OTOG: variants seen among roughly 807,000 people sequenced by gnomAD.
OTOG encodes otogelin.
A neutral mutation model predicts 313.8 loss-of-function variants in OTOG; 296 were observed. The ratio of observed to expected loss-of-function variants is 0.94; its 90% confidence interval spans 0.86 to 1.04. OTOG has a LOEUF of 1.04. OTOG is among the 50% of genes least tolerant of loss of function. The probability of loss-of-function intolerance (pLI) is 0.00; values close to 1 mark genes in which losing one functional copy is unlikely to be tolerated. For missense variants in OTOG, 3,948 were observed against 3,840.1 expected (o/e 1.03, Z -0.74); for synonymous variants, 1,533 against 1,554.9 (o/e 0.99, Z 0.33).
At chr11:17,562,564 A>G (rs1852213978) in intron 15 of OTOG, among the ~76,000 whole-genome samples, 1 of 149,150 alleles carries the variant, frequency 6.7e-6, no homozygotes, top group Non-Finnish European at 1.5e-5. Flanking sequence ...AATTACACCC[A>G]TTTTACAAAA....
chr11:17,608,263 G>T (rs983160968), intron 33 of OTOG, 33 bp from the exon 34 acceptor site: 28 of 1,430,948 alleles, frequency 2.0e-5, no homozygotes, highest in Non-Finnish European at 2.5e-5. Flanking sequence ...GTCTTCACCT[G>T]ACCCAGAGTT....
In OTOG at chr11:17,553,007, G is replaced by C. The variant is rs891543009; in HGVS notation, c.293-112G>C. 5.1e-5 allele frequency: 47 copies of C among 920,848 alleles called. No individual in the cohort carries two copies. The East Asian group carries it at 1.1e-3, about 22-fold the overall frequency. The allele number at this position is 920,848 out of a possible 1,614,324, so 57.0% of individuals were successfully genotyped here. A position where few individuals can be genotyped will look rare whatever the true frequency, so the allele number is the denominator to read the frequency against. On this transcript the variant is annotated intron_variant, in intron 4 of 55. Coordinates refer to ENST00000399397, the MANE Select transcript of OTOG (RefSeq NM_001292063.2). ...GTGCTAGCTGCTGAGGAATGTTGGG[G>C]CTGGGGCTGCCTGTTATGGGGGTCT...
chr11:17,580,919 G>C (rs1202128507), intron 23 of OTOG, among the ~76,000 whole-genome samples: 1 of 151,980 alleles, frequency 6.6e-6, no homozygotes, highest in African/African-American at 2.4e-5. Context: ...TTTCTTTCCT[G>C]CTTCCTCCCA....
chr11:17,594,793 G>T (rs946949675), intron 28 of OTOG, among the ~76,000 whole-genome samples: 1 of 152,120 alleles, frequency 6.6e-6, no homozygotes, highest in East Asian at 1.9e-4. Context: ...GACTTTCTGG[G>T]TGACCTTGAG....
Position 17,633,751 on chromosome 11 carries a change from G to A in OTOG, c.7144G>A (p.Asp2382Asn), listed in dbSNP as rs1469264918. The A allele has an allele frequency of 1.0e-5, 16 of 1,550,506 alleles. No individual in the cohort carries two copies. Among genetic ancestry groups the A allele is most frequent in the Non-Finnish European group, 1.4e-5 (16 of 1,146,954 alleles). The change falls in exon 43 of 56, where the codon GAT becomes AAT. Residue 2382 changes from aspartate to asparagine, a missense_variant. Asp to Asn is a conservative substitution (Grantham distance 23, BLOSUM62 1). Transcript: ENST00000399397. ...CTGTGAGCCACCCAAGACATGCCAG[G>A]ATGGGATACTAGGGCCTCTGGACCC... Reference protein sequence around the residue: ...TACEPPKTCQDGILGPLDPEH... With the variant: ...TACEPPKTCQNGILGPLDPEH...
chr11:17,547,827 T>TCCCATTGGGAATGCTCC (rs1484279949), intron 1 of OTOG, 100 bp from the exon 2 acceptor site: 7 of 444,420 alleles, frequency 1.6e-5, no homozygotes, highest in African/African-American at 2.0e-5. Context: ...GGGGGAATGC[T>TCCCATTGGGAATGCTCC]CAGTGGCGTG....
intron 23 of OTOG, among the ~76,000 whole-genome samples, chr11:17,582,858 C>A (rs1235494697): frequency 6.6e-6 from 1 of 151,918 alleles, no homozygotes; most frequent in Non-Finnish European, 1.5e-5. Flanking sequence ...AGATACAAGT[C>A]CTTTGTCAGG....
chr11:17,643,295 C>A (rs1398582265), intron 53 of OTOG, among the ~76,000 whole-genome samples, 166 bp from the exon 54 acceptor site: 1 of 152,242 alleles, frequency 6.6e-6, no homozygotes, highest in African/African-American at 2.4e-5. Context: ...CAGCTTAGCC[C>A]CCGTGGCTCT....
At chr11:17,639,056 G>T (rs575210377) in intron 48 of OTOG, 4 of 315,572 alleles carry the variant, frequency 1.3e-5, no homozygotes, top group South Asian at 3.6e-5. Flanking sequence ...CCATCTCAAA[G>T]AAAAATAAAA....
chr11:17,560,629 T>A, intron 12 of OTOG, 80 bp from the exon 13 acceptor site: 1 of 989,938 alleles, frequency 1.0e-6, no homozygotes, highest in East Asian at 2.6e-5. Flanking sequence ...AGGGGATCTT[T>A]ATCAGAGGCC....
At chr11:17,619,502 G>C (rs1299520559) in intron 39 of OTOG, among the ~76,000 whole-genome samples, 2 of 151,676 alleles carry the variant, frequency 1.3e-5, no homozygotes, top group Non-Finnish European at 2.9e-5. Flanking sequence ...TCTTTGGATT[G>C]TTTTTAATGA....
Position 17,593,206 on chromosome 11 carries a change from T to G in OTOG, c.3020T>G (p.Val1007Gly). 6.5e-7 allele frequency: 1 copy of G among 1,550,280 alleles called. No homozygotes were observed. Among genetic ancestry groups the G allele is most frequent in the Non-Finnish European group, 8.7e-7 (1 of 1,146,694 alleles). Residue 1007 changes from valine to glycine, a missense_variant, in exon 26 of 56, where the codon GTC becomes GGC. Coordinates refer to ENST00000399397, the MANE Select transcript of OTOG (RefSeq NM_001292063.2). Reference protein sequence around the residue: ...KVHLVKSTSDVSFSVIVENVN... With the variant: ...KVHLVKSTSDGSFSVIVENVN... ...TTCTCTCCTCAGAGCACATCAGATG[T>G]CAGCTTCTCTGTGATTGTAGAGAAT...
chr11:17,576,483 G>A, intron 20 of OTOG, 73 bp from the exon 21 acceptor site: 1 of 1,258,008 alleles, frequency 7.9e-7, no homozygotes, highest in Non-Finnish European at 1.1e-6. Context: ...CTGAGGGTGG[G>A]GTCCCTGTCC....
intron 40 of OTOG, among the ~76,000 whole-genome samples, chr11:17,631,416 A>G (rs1430991901): frequency 6.6e-6 from 1 of 150,844 alleles, no homozygotes; most frequent in Non-Finnish European, 1.5e-5. Flanking sequence ...TTTTATATGC[A>G]CATGCAATAC....
rs1162417123 is a variant in OTOG at position 17,609,960 on chromosome 11, G to C, written c.4660G>C (p.Val1554Leu). 7.8e-6 allele frequency: 12 copies of C among 1,542,820 alleles called. No homozygotes were observed. The highest frequency in any genetic ancestry group is 1.1e-5 in the Non-Finnish European group (12 of 1,142,346). Residue 1554 changes from valine to leucine, a missense_variant, in exon 36 of 56, where the codon GTG (valine) becomes CTG (leucine). Coordinates refer to ENST00000399397, the MANE Select transcript of OTOG (RefSeq NM_001292063.2). ...GPTESPASKG[V>L]TASLLAIPHT... ...CACGGAGTCCCCAGCCAGCAAGGGAGTGACTGCCAGCCTCCTGGCCATCCC... is the reference window on the plus strand; with the variant it reads ...CACGGAGTCCCCAGCCAGCAAGGGACTGACTGCCAGCCTCCTGGCCATCCC...
chr11:17,637,685 A>T (rs1225085478), intron 47 of OTOG, among the ~76,000 whole-genome samples: 2 of 152,186 alleles, frequency 1.3e-5, no homozygotes, highest in East Asian at 3.9e-4. Context: ...TAGGGTGATG[A>T]CCGTAATCCT....
chr11:17,642,004 A>C, intron 52 of OTOG, 53 bp downstream of exon 52: 2 of 1,535,870 alleles, frequency 1.3e-6, no homozygotes, highest in Non-Finnish European at 1.8e-6. Flanking sequence ...AGGGGACACC[A>C]GGACTAGGGC....
chr11:17,575,517 G>A (rs1258675079), intron 20 of OTOG, among the ~76,000 whole-genome samples: 1 of 152,202 alleles, frequency 6.6e-6, no homozygotes, highest in Non-Finnish European at 1.5e-5. Context: ...TCAAGGCCCA[G>A]CTTGTTCTCA....
At chr11:17,614,806 G>A (rs1329398845) in intron 39 of OTOG, among the ~76,000 whole-genome samples, 6 of 152,190 alleles carry the variant, frequency 3.9e-5, no homozygotes, top group Admixed American at 2.6e-4. Context: ...AAAGATATTT[G>A]AGTTGTTTCC....
Sources: allele counts gnomAD v4.1 joint callset (sites outside exome capture counted in the v4.1 genomes callset), GRCh38; gene constraint gnomAD v4.1.1; transcripts MANE v1.5; gene names NCBI Gene and HGNC (gene_info 2026-07-23, HGNC 2026-07-21).